The following TNPO2 variants were observed in gnomAD, a reference collection of about 807,000 sequenced individuals.
The protein encoded by TNPO2 is transportin 2, also known as transportin-2.
A neutral mutation model predicts 111.1 loss-of-function variants in TNPO2; 16 were observed. That is an observed-to-expected ratio of 0.14 (90% CI 0.10 to 0.22). The LOEUF is 0.22. Ranked by LOEUF, TNPO2 falls within the 10% of genes least tolerant of loss-of-function variation. The probability of loss-of-function intolerance (pLI) is 1.00; values close to 1 mark genes in which losing one functional copy is unlikely to be tolerated. For missense variants in TNPO2, 530 were observed against 1,173.7 expected, an observed-to-expected ratio of 0.45 and a Z score of 8.01; for synonymous variants, 481 against 475.8, an observed-to-expected ratio of 1.01 and a Z score of -0.14.
chr19:12,705,090 T>C lies in TNPO2; in HGVS notation c.2022+150A>G, dbSNP rs935442528. On this transcript the variant is annotated intron_variant, in intron 18 of 25. Coordinates refer to ENST00000425528, the MANE Select transcript of TNPO2 (RefSeq NM_001382241.1). This position sits in a 1 kb window ranked among gnomAD's most constrained non-coding sequence, Gnocchi z 7.2. ...GTCTCAAACTCCTGGGCTCAAGCAA[T>C]CCTGCCTCGGCCTCCAGGATTACTC... 3 of 837,710 alleles carry C rather than the reference T, an allele frequency of 3.6e-6. No homozygotes were observed. The highest frequency in any genetic ancestry group is 5.5e-6 in the Non-Finnish European group (3 of 545,742). 51.9% of individuals were successfully genotyped at this position (837,710 alleles called of 1,614,324 possible).
At chr19:12,710,352 T>C (rs566465834) in intron 13 of TNPO2, among the ~76,000 whole-genome samples, 1 of 152,340 alleles carries the variant, frequency 6.6e-6, no homozygotes, top group African/African-American at 2.4e-5. Flanking sequence ...AGCATGCAGC[T>C]GTGCCTGCTG....
chr19:12,716,563 T>C (rs551142085), intron 5 of TNPO2, among the ~76,000 whole-genome samples: 10 of 151,950 alleles, frequency 6.6e-5, no homozygotes, highest in African/African-American at 2.4e-4. Context: ...GAGGCAGAGG[T>C]TGCAGTGAGC....
In TNPO2 at chr19:12,715,743, G is replaced by T; in HGVS notation, c.326-4C>A. On this transcript the variant is annotated splice_polypyrimidine_tract_variant and splice_region_variant and intron_variant, in intron 5 of 25. Coordinates refer to ENST00000425528, the MANE Select transcript of TNPO2 (RefSeq NM_001382241.1). This position sits in a 1 kb window ranked among gnomAD's most constrained non-coding sequence, Gnocchi z 7.1. ...GCGATGGTGGTGATGAGAATGCCTGGGGCGGCCGGGAAAGGACGCTGCCTG... is the reference window on the plus strand; with the variant it reads ...GCGATGGTGGTGATGAGAATGCCTGTGGCGGCCGGGAAAGGACGCTGCCTG... 1 of 1,605,200 alleles carries T rather than the reference G, an allele frequency of 6.2e-7. No individual in the cohort carries two copies.
intron 20 of TNPO2, among the ~76,000 whole-genome samples, chr19:12,703,224 T>C (rs1408958861): frequency 6.6e-6 from 1 of 152,024 alleles, no homozygotes; most frequent in Non-Finnish European, 1.5e-5. Context: ...TTTAGCCAAC[T>C]ACACAAAACG....
chr19:12,709,189 G>A (rs2025890956), intron 13 of TNPO2, among the ~76,000 whole-genome samples: 1 of 151,840 alleles, frequency 6.6e-6, no homozygotes. Flanking sequence ...GTGAAACCCT[G>A]TCTCTACTAA....
At chr19:12,709,473 G>A (rs945034838) in intron 13 of TNPO2, among the ~76,000 whole-genome samples, 2 of 152,098 alleles carry the variant, frequency 1.3e-5, no homozygotes, top group Non-Finnish European at 2.9e-5. Context: ...CATATTACAT[G>A]TCGAAACATT....
rs1458087841 is a variant in TNPO2 at position 12,715,626 on chromosome 19, T to TGCCTACCTC, written c.430_432+6dup. 11 of 1,613,668 alleles carry TGCCTACCTC rather than the reference T, an allele frequency of 6.8e-6. No homozygotes were observed. Among genetic ancestry groups the TGCCTACCTC allele is most frequent in the African/African-American group, 1.3e-5 (1 of 74,892 alleles). ...CTCGCTCTGGCCATCCATGGCTTCT[T>TGCCTACCTC]GCCTACCTCACAAGTGTTGTAATCC... On this transcript the variant is annotated splice_region_variant and intron_variant, in intron 6 of 25. Transcript: ENST00000425528. The surrounding 1 kb of genome is among the most constrained non-coding windows in gnomAD (Gnocchi z 7.1).
In TNPO2 at chr19:12,705,202, G is replaced by A; in HGVS notation, c.2022+38C>T. ...TCCCCACCAGGGGCAGCCCACGCAGGCTGCTGGGTGTCATCACTGTCCAGG... is the reference window on the plus strand; with the variant it reads ...TCCCCACCAGGGGCAGCCCACGCAGACTGCTGGGTGTCATCACTGTCCAGG... On this transcript the variant is annotated intron_variant, in intron 18 of 25. Transcript: ENST00000425528. The surrounding 1 kb of genome is among the most constrained non-coding windows in gnomAD (Gnocchi z 7.2). 1 of 1,576,066 alleles carries A rather than the reference G, an allele frequency of 6.3e-7. No homozygotes were observed.
chr19:12,709,627 G>A (rs1458063766), intron 13 of TNPO2, among the ~76,000 whole-genome samples: 3 of 150,110 alleles, frequency 2.0e-5, no homozygotes, highest in South Asian at 2.1e-4. Context: ...CCACCACGCC[G>A]GCTAATTTTA....
In TNPO2 at chr19:12,706,315, T is replaced by C. The variant is rs1371386587; in HGVS notation, c.1549A>G (p.Ser517Gly). 2 of 1,613,916 alleles carry C rather than the reference T, an allele frequency of 1.2e-6. No individual in the cohort carries two copies. Among genetic ancestry groups the C allele is most frequent in the Non-Finnish European group, 1.7e-6 (2 of 1,179,850 alleles). Residue 517 changes from serine to glycine, a missense_variant, in exon 15 of 26, where the codon AGC becomes GGC. This residue lies in a region of TNPO2 where 183 missense variants were observed against 481.0 expected (regional missense o/e 0.38). Transcript: ENST00000425528. The surrounding 1 kb of genome is among the most constrained non-coding windows in gnomAD (Gnocchi z 7.0). Reference protein sequence around the residue: ...EACTELVPYLSYILDTLVFAF... With the variant: ...EACTELVPYLGYILDTLVFAF... ...AAGACAAGGGTGTCCAGGATGTAGC[T>C]GAGGTAGGGCACCAGCTCCGTGCAG...
At chr19:12,713,011 A>G (rs890631728) in intron 10 of TNPO2, among the ~76,000 whole-genome samples, 5 of 152,050 alleles carry the variant, frequency 3.3e-5, no homozygotes, top group African/African-American at 1.2e-4. Context: ...TCAGCCTCCC[A>G]AAGTGCTAGG....
chr19:12,710,042 C>T (rs895670810), intron 13 of TNPO2, among the ~76,000 whole-genome samples: 17 of 152,224 alleles, frequency 1.1e-4, no homozygotes, highest in African/African-American at 4.1e-4. Flanking sequence ...CTCACAAAGC[C>T]CTCCTGTAAC....
chr19:12,706,125 G>A lies in TNPO2; in HGVS notation c.1668+71C>T, dbSNP rs1233568950. On this transcript the variant is annotated intron_variant, in intron 15 of 25. Transcript: ENST00000425528. This position sits in a 1 kb window ranked among gnomAD's most constrained non-coding sequence, Gnocchi z 7.0. ...GGCCACGTCCCTGGCGTGCAACACG[G>A]GGTTGCCACCAGGTCACTGGATGCC... 1 of 1,544,682 alleles carries A rather than the reference G, an allele frequency of 6.5e-7. No individual in the cohort carries two copies. The highest frequency in any genetic ancestry group is 2.3e-5 in the East Asian group (1 of 43,784).
chr19:12,703,347 TGTCA>T (rs1049014055), intron 20 of TNPO2, 77 bp downstream of exon 20: 6 of 1,303,110 alleles, frequency 4.6e-6, no homozygotes, highest in East Asian at 2.3e-5. Flanking sequence ...TGAAGGAAGC[TGTCA>T]GTCAGAGCTA....
At position 12,703,316 on chromosome 19, in the gene TNPO2, C is replaced by T. The variant is rs982559418; in HGVS notation, c.2209+112G>A. The T allele has an allele frequency of 1.5e-5, 14 of 951,752 alleles. No individual in the cohort carries two copies. The Admixed American group carries it at 1.7e-4, about 12-fold the overall frequency. 59.0% of individuals were successfully genotyped at this position (951,752 alleles called of 1,614,324 possible). On this transcript the variant is annotated intron_variant, in intron 20 of 25. Coordinates refer to ENST00000425528, the MANE Select transcript of TNPO2 (RefSeq NM_001382241.1). Reference sequence around the variant, plus strand: ...CCTTTCTGCTTGGCTCCACCCCTGACGACCCCCAAGAGACTTGCCTTGAAG... The same window carrying T: ...CCTTTCTGCTTGGCTCCACCCCTGATGACCCCCAAGAGACTTGCCTTGAAG...
At chr19:12,711,983 G>A (rs906863817) in intron 10 of TNPO2, among the ~76,000 whole-genome samples, 1 of 150,916 alleles carries the variant, frequency 6.6e-6, no homozygotes, top group Non-Finnish European at 1.5e-5. Flanking sequence ...TATAAAACAA[G>A]AATAGTTATA....
chr19:12,718,545 T>C (rs796166131), intron 5 of TNPO2, among the ~76,000 whole-genome samples: 8 of 152,286 alleles, frequency 5.3e-5, no homozygotes, highest in African/African-American at 1.9e-4. Context: ...CTCTGGTGAT[T>C]TGCCTACCCT....
At position 12,702,587 on chromosome 19, in the gene TNPO2, C is replaced by T. The variant is rs552985022; in HGVS notation, c.2305+236G>A. 7.2e-5 allele frequency among the ~76,000 whole-genome samples: 11 copies of T among 152,012 alleles called. No homozygotes were observed. The highest frequency in any genetic ancestry group is 1.4e-4 in the African/African-American group (6 of 41,392). On this transcript the variant is annotated intron_variant, in intron 21 of 25. Transcript: ENST00000425528. The surrounding 1 kb of genome is among the most constrained non-coding windows in gnomAD (Gnocchi z 5.5). ...TTCACCATGTTGGCCAGGCTGGTCTCGAACTCCTGACTTCAGGTGATCTGC... is the reference window on the plus strand; with the variant it reads ...TTCACCATGTTGGCCAGGCTGGTCTTGAACTCCTGACTTCAGGTGATCTGC...
Position 12,710,435 on chromosome 19 carries a change from CT to C in TNPO2, c.1270+185del, listed in dbSNP as rs147012334. 9.3e-3 allele frequency among the ~76,000 whole-genome samples: 1,416 copies of C among 152,282 alleles called. 22 individuals are homozygous for C. Among genetic ancestry groups the C allele is most frequent in the African/African-American group, 0.031 (1,285 of 41,542 alleles). On this transcript the variant is annotated intron_variant, in intron 13 of 25. Coordinates refer to ENST00000425528, the MANE Select transcript of TNPO2 (RefSeq NM_001382241.1). ...CTGCCTGCAAGAATGAACAAGAGGC[CT>C]TGCACTGTGGGGCTCCAGGGGTTCC...
Sources: allele counts gnomAD v4.1 joint callset (sites outside exome capture counted in the v4.1 genomes callset), GRCh38; gene constraint gnomAD v4.1.1; regional missense constraint gnomAD v4.1.1; non-coding constraint Gnocchi (gnomAD v3.1); transcripts MANE v1.5; gene names NCBI Gene and HGNC (gene_info 2026-07-23, HGNC 2026-07-21).